Variants in GRID2 observed in about 807,000 individuals in gnomAD.
GRID2 encodes the protein glutamate ionotropic receptor delta type subunit 2, also known as glutamate receptor ionotropic, delta-2.
In GRID2, 33 loss-of-function variants were observed where a neutral mutation model predicts 114.8. That is an observed-to-expected ratio of 0.29 (90% CI 0.22 to 0.38). The LOEUF is 0.38. GRID2 is among the 10% of genes least tolerant of loss of function. GRID2 has a pLI of 1.00. For missense variants in GRID2, 1,184 were observed against 1,257.7 expected (o/e 0.94, Z 0.89); for synonymous variants, 505 against 449.9 (o/e 1.12, Z -1.55).
At chr4:92,705,346 T>A (rs527950844) in intron 2 of GRID2, among the ~76,000 whole-genome samples, 7 of 152,194 alleles carry the variant, frequency 4.6e-5, no homozygotes, top group Admixed American at 2.0e-4. Flanking sequence ...AATTATTCTT[T>A]CGACATTTAT....
intron 12 of GRID2, among the ~76,000 whole-genome samples, chr4:93,502,867 A>G (rs1407629291): frequency 2.0e-5 from 3 of 152,028 alleles, no homozygotes; most frequent in Non-Finnish European, 4.4e-5. Context: ...AATAAGGTCT[A>G]AAGCTGGCTG....
chr4:93,296,968 A>G (rs1280797075), intron 8 of GRID2, among the ~76,000 whole-genome samples: 1 of 152,188 alleles, frequency 6.6e-6, no homozygotes, highest in Non-Finnish European at 1.5e-5. Flanking sequence ...CTTTACTATT[A>G]CATTCTTTAA....
At chr4:92,608,825 T>C (rs1302352085) in intron 2 of GRID2, among the ~76,000 whole-genome samples, 1 of 151,810 alleles carries the variant, frequency 6.6e-6, no homozygotes, top group Non-Finnish European at 1.5e-5. Context: ...TTATTCTGAA[T>C]AAAACAAGCT....
intron 1 of GRID2, among the ~76,000 whole-genome samples, chr4:92,379,144 ATATT>A (rs1281602695): frequency 6.6e-6 from 1 of 151,990 alleles, no homozygotes; most frequent in Non-Finnish European, 1.5e-5. Flanking sequence ...TTCAAATCAA[ATATT>A]TAAACATGTA....
chr4:93,726,238 G>A (rs1578669493), intron 14 of GRID2, among the ~76,000 whole-genome samples: 1 of 152,138 alleles, frequency 6.6e-6, no homozygotes, highest in Admixed American at 6.5e-5. Context: ...TTATTAAATA[G>A]GGCATCCTTC....
At chr4:93,023,362 T>G (rs941990775) in intron 2 of GRID2, among the ~76,000 whole-genome samples, 3 of 151,954 alleles carry the variant, frequency 2.0e-5, no homozygotes, top group Non-Finnish European at 2.9e-5. Context: ...TATTCTTCTG[T>G]TAAAGATACA....
At chr4:92,684,979 C>T (rs889705034) in intron 2 of GRID2, among the ~76,000 whole-genome samples, 19 of 152,014 alleles carry the variant, frequency 1.2e-4, no homozygotes, top group African/African-American at 4.6e-4. Flanking sequence ...ACTACTAATA[C>T]TCTCAAAGTG....
At chr4:93,474,256 A>G (rs902017889) in intron 11 of GRID2, among the ~76,000 whole-genome samples, 3 of 152,142 alleles carry the variant, frequency 2.0e-5, no homozygotes, top group Admixed American at 6.6e-5. Flanking sequence ...CCTGCCTCCT[A>G]GAACAACTCT....
chr4:92,544,619 G>A (rs751731800), intron 1 of GRID2, among the ~76,000 whole-genome samples: 5 of 152,088 alleles, frequency 3.3e-5, no homozygotes, highest in Admixed American at 2.6e-4. Context: ...GAGCACTGAC[G>A]CAGTTCAGCC....
At chr4:93,421,214 CA>C (rs1372583949) in intron 9 of GRID2, among the ~76,000 whole-genome samples, 7 of 152,096 alleles carry the variant, frequency 4.6e-5, no homozygotes, top group African/African-American at 1.4e-4. Context: ...AGAAATGTTG[CA>C]CAAACCACCC....
At chr4:93,539,296 T>C (rs1262666614) in intron 13 of GRID2, among the ~76,000 whole-genome samples, 1 of 152,014 alleles carries the variant, frequency 6.6e-6, no homozygotes, top group African/African-American at 2.4e-5. Context: ...TTTAACAAAC[T>C]GTAATTACTT....
At chr4:93,616,675 A>G (rs951628460) in intron 13 of GRID2, among the ~76,000 whole-genome samples, 3 of 150,748 alleles carry the variant, frequency 2.0e-5, no homozygotes, top group African/African-American at 7.3e-5. Context: ...TACACTTGCA[A>G]TGTCTATAGA....
chr4:93,347,051 T>G (rs2149254985), intron 8 of GRID2, among the ~76,000 whole-genome samples: 1 of 152,158 alleles, frequency 6.6e-6, no homozygotes, highest in East Asian at 1.9e-4. Context: ...GCCTCACCAC[T>G]GCGGCGCGGA....
intron 2 of GRID2, among the ~76,000 whole-genome samples, chr4:92,968,850 A>G (rs906682032): frequency 2.6e-4 from 40 of 151,764 alleles, no homozygotes; most frequent in African/African-American, 9.4e-4. Flanking sequence ...ATAATCAAAA[A>G]CTTGTGAAGT....
At chr4:93,798,519 C>A (rs573703358) in intron 1 of GRID2, among the ~76,000 whole-genome samples, 1 of 152,134 alleles carries the variant, frequency 6.6e-6, no homozygotes. Flanking sequence ...TGACTATGAT[C>A]GGATTCCCCA....
At chr4:93,542,361 T>G (rs1732736937) in intron 13 of GRID2, among the ~76,000 whole-genome samples, 1 of 152,188 alleles carries the variant, frequency 6.6e-6, no homozygotes, top group Non-Finnish European at 1.5e-5. Flanking sequence ...TTGGTTTCAA[T>G]AATTTTTCTT....
chr4:93,255,254 A>G (rs1749437995), intron 8 of GRID2, among the ~76,000 whole-genome samples: 1 of 152,112 alleles, frequency 6.6e-6, no homozygotes. Flanking sequence ...CATTTGGTGA[A>G]ACATCTCTAT....
intron 8 of GRID2, chr4:93,302,776 T>G (rs1755013312): frequency 3.1e-6 from 1 of 327,868 alleles, no homozygotes; most frequent in African/African-American, 2.2e-5. Flanking sequence ...CACAGTATTT[T>G]AAAGAGAGAC....
At chr4:93,266,416 A>G (rs1579480669) in intron 8 of GRID2, among the ~76,000 whole-genome samples, 1 of 152,060 alleles carries the variant, frequency 6.6e-6, no homozygotes, top group African/African-American at 2.4e-5. Flanking sequence ...TATTCAGAAC[A>G]TAACTACTAT....
Sources: allele counts gnomAD v4.1 joint callset (sites outside exome capture counted in the v4.1 genomes callset), GRCh38; gene constraint gnomAD v4.1.1; transcripts MANE v1.5; gene names NCBI Gene and HGNC (gene_info 2026-07-23, HGNC 2026-07-21).